Variants in REDIC1 observed in about 807,000 individuals in gnomAD.
REDIC1 encodes the protein HEI10 Interacting Protein 1.
At chr12:39,895,551 T>TATAC in the REDIC1 span, among the ~76,000 whole-genome samples, 38 of 66,766 alleles carry the variant, frequency 5.7e-4, 3 homozygotes, top group African/African-American at 2.1e-3. Flanking sequence ...TATATATATA[T>TATAC]ACACACACAC....
the REDIC1 span, among the ~76,000 whole-genome samples, chr12:39,739,846 T>C: frequency 6.6e-6 from 1 of 152,198 alleles, no homozygotes; most frequent in African/African-American, 2.4e-5. Flanking sequence ...ATTTTGCCCA[T>C]AAAATGTAGC....
chr12:39,895,481 C>T, the REDIC1 span, among the ~76,000 whole-genome samples: 2 of 92,302 alleles, frequency 2.2e-5, no homozygotes, highest in Admixed American at 1.6e-4. Context: ...CAGAGCGAGA[C>T]TCTGTCTCAA....
the REDIC1 span, chr12:39,682,867 A>T: frequency 6.2e-7 from 1 of 1,612,804 alleles, no homozygotes; most frequent in East Asian, 2.2e-5. Flanking sequence ...TGAGCAAAGG[A>T]TAAAGAAAAC....
the REDIC1 span, among the ~76,000 whole-genome samples, chr12:39,854,711 C>T: frequency 6.6e-6 from 1 of 152,320 alleles, no homozygotes; most frequent in Admixed American, 6.5e-5. Context: ...TTCCCTTCCT[C>T]ACTCAAGCCT....
At chr12:39,854,030 T>C in the REDIC1 span, among the ~76,000 whole-genome samples, 1 of 152,108 alleles carries the variant, frequency 6.6e-6, no homozygotes, top group South Asian at 2.1e-4. Flanking sequence ...AACTCTTCTC[T>C]TTGCTTCTTG....
At chr12:39,725,419 G>T in the REDIC1 span, among the ~76,000 whole-genome samples, 1 of 152,066 alleles carries the variant, frequency 6.6e-6, no homozygotes, top group African/African-American at 2.4e-5. Flanking sequence ...TTGTATCCCT[G>T]TTTGCTTTTC....
the REDIC1 span, among the ~76,000 whole-genome samples, chr12:39,865,920 T>A: frequency 6.6e-6 from 1 of 152,210 alleles, no homozygotes; most frequent in Non-Finnish European, 1.5e-5. Flanking sequence ...AAACTACTTA[T>A]TGAGTAGTGT....
the REDIC1 span, among the ~76,000 whole-genome samples, chr12:39,735,801 G>A: frequency 6.6e-5 from 10 of 152,216 alleles, no homozygotes; most frequent in Admixed American, 2.6e-4. Flanking sequence ...GGGCTTTTAA[G>A]AATGTCAACA....
the REDIC1 span, among the ~76,000 whole-genome samples, chr12:39,713,077 ATACGTG>A: frequency 6.8e-6 from 1 of 147,270 alleles, no homozygotes; most frequent in Non-Finnish European, 1.5e-5. Context: ...ATACACGTGC[ATACGTG>A]TATGTGTAGA....
At chr12:39,873,277 C>T in the REDIC1 span, among the ~76,000 whole-genome samples, 1 of 152,128 alleles carries the variant, frequency 6.6e-6, no homozygotes, top group Admixed American at 6.5e-5. Flanking sequence ...AAGAGAAATT[C>T]CCAGTGGAAT....
the REDIC1 span, among the ~76,000 whole-genome samples, chr12:39,628,686 G>A: frequency 6.6e-6 from 1 of 152,016 alleles, no homozygotes; most frequent in African/African-American, 2.4e-5. Context: ...GGGGGATTCA[G>A]AAAAGAAAAA....
the REDIC1 span, among the ~76,000 whole-genome samples, chr12:39,668,259 C>G: frequency 6.6e-6 from 1 of 151,996 alleles, no homozygotes; most frequent in Non-Finnish European, 1.5e-5. Flanking sequence ...TAGGGCAGGC[C>G]TGGTGGTGAC....
At chr12:39,661,529 G>A in the REDIC1 span, among the ~76,000 whole-genome samples, 6 of 151,794 alleles carry the variant, frequency 4.0e-5, no homozygotes, top group Non-Finnish European at 7.4e-5. Context: ...AGTCATTTGA[G>A]TTTCTTGTAT....
chr12:39,736,518 G>A, the REDIC1 span, among the ~76,000 whole-genome samples: 1 of 152,222 alleles, frequency 6.6e-6, no homozygotes, highest in African/African-American at 2.4e-5. Flanking sequence ...TGTGACCAAA[G>A]GTTATGTTTA....
At chr12:39,828,972 A>G in the REDIC1 span, among the ~76,000 whole-genome samples, 2 of 152,094 alleles carry the variant, frequency 1.3e-5, no homozygotes, top group African/African-American at 4.8e-5. Flanking sequence ...ACTTCTTTGG[A>G]GCAGTTCTCT....
At chr12:39,676,469 A>G in the REDIC1 span, among the ~76,000 whole-genome samples, 1 of 152,192 alleles carries the variant, frequency 6.6e-6, no homozygotes, top group Non-Finnish European at 1.5e-5. Context: ...TTAAACAACC[A>G]AACATAAGAA....
At chr12:39,653,535 TC>T in the REDIC1 span, among the ~76,000 whole-genome samples, 734 of 55,654 alleles carry the variant, frequency 0.013, 27 homozygotes, top group Middle Eastern at 0.03. Flanking sequence ...TTCTTCTTCT[TC>T]TTTTTCTTCT....
chr12:39,699,650 G>C, the REDIC1 span, among the ~76,000 whole-genome samples: 5 of 149,288 alleles, frequency 3.3e-5, no homozygotes, highest in African/African-American at 1.3e-4. Flanking sequence ...TGGGGGCAGG[G>C]CACAAACAAA....
the REDIC1 span, among the ~76,000 whole-genome samples, chr12:39,794,166 C>A: frequency 2.7e-5 from 4 of 149,268 alleles, no homozygotes; most frequent in African/African-American, 4.9e-5. Flanking sequence ...CAAAACCTCC[C>A]TTCTGCAAAA....
Sources: gnomAD v4.1 joint callset for allele counts (sites outside exome capture counted in the v4.1 genomes callset) on GRCh38, gnomAD v4.1.1 for gene constraint, MANE v1.5 for transcripts, NCBI Gene and HGNC (gene_info 2026-07-23, HGNC 2026-07-21) for gene names.